The following DUSP18 variants were observed in gnomAD, a reference collection of about 807,000 sequenced individuals.
DUSP18 encodes dual specificity protein phosphatase 18.
Under a neutral mutation model 6.3 loss-of-function variants are expected in DUSP18, and 4 were observed. The observed-to-expected ratio is 0.63, with a 90% confidence interval of 0.31 to 1.45. The LOEUF (loss-of-function observed/expected upper bound fraction) is 1.45, where lower values mean the gene tolerates loss of function less well. Ranked by LOEUF, DUSP18 falls within the 40% of genes most tolerant of loss-of-function variation. The pLI is 0.07. For missense variants in DUSP18, 235 were observed against 247.7 expected, an observed-to-expected ratio of 0.95 and a Z score of 0.34; for synonymous variants, 96 against 95.1, an observed-to-expected ratio of 1.01 and a Z score of -0.05.
At position 30,664,088 on chromosome 22, in the gene DUSP18, G is replaced by A. The variant is rs981845587; in HGVS notation, c.-77-8C>T. On this transcript the variant is annotated splice_polypyrimidine_tract_variant and splice_region_variant and intron_variant, in intron 1 of 1. Coordinates refer to ENST00000334679, the MANE Select transcript of DUSP18 (RefSeq NM_152511.5). ...GGCTGTGTCCATGGAAAACTGCAGA[G>A]AGGGAGAGGATGTTTAGAGGGCAGG... 3.7e-6 allele frequency: 5 copies of A among 1,334,924 alleles called. No individual in the cohort carries two copies. Among genetic ancestry groups the A allele is most frequent in the South Asian group, 2.8e-5 (2 of 70,326 alleles). 82.7% of individuals were successfully genotyped at this position (1,334,924 alleles called of 1,614,324 possible).
intron 2 of DUSP18, among the ~76,000 whole-genome samples, chr22:30,655,485 A>C (rs967202197): frequency 6.6e-6 from 1 of 151,516 alleles, no homozygotes; most frequent in African/African-American, 2.4e-5. Flanking sequence ...CTGGCATTGC[A>C]TAGCTCAGTC....
chr22:30,657,405 G>A (rs2088362261), downstream of DUSP18, among the ~76,000 whole-genome samples: 1 of 148,214 alleles, frequency 6.7e-6, no homozygotes, highest in Non-Finnish European at 1.5e-5. Context: ...GTTGCAGTAA[G>A]CCGAGATCAC....
Position 30,663,715 on chromosome 22 carries a change from G to A in DUSP18, c.289C>T (p.Gln97Ter). 1 of 1,614,242 alleles carries A rather than the reference G, an allele frequency of 6.2e-7. No homozygotes were observed. The highest frequency in any genetic ancestry group is 8.5e-7 in the Non-Finnish European group (1 of 1,180,044). Residue 97 changes from glutamine (Q) to a stop codon, truncating the protein, a stop_gained, in exon 2 of 2, where the codon CAG (glutamine) becomes TAG (stop). Transcript: ENST00000334679. LOFTEE classifies it high-confidence loss of function. ...GCACAGTGCAGCAAAGTACGGCCCT[G>A]CTTCATCTCCACGCTGTGGATATGG... ...ADHIHSVEMK[Q>*]GRTLLHCAAG...
chr22:30,658,863 G>A (rs556918061), downstream of DUSP18, among the ~76,000 whole-genome samples: 3 of 152,160 alleles, frequency 2.0e-5, no homozygotes, highest in Admixed American at 6.5e-5. Flanking sequence ...TGAACTGATC[G>A]GCTGGGCGCG....
intron 2 of DUSP18, among the ~76,000 whole-genome samples, chr22:30,656,194 C>T (rs1175706988): frequency 1.3e-5 from 2 of 151,724 alleles, no homozygotes; most frequent in African/African-American, 2.4e-5. Flanking sequence ...CCAGGCTGAT[C>T]GCAAATTCCC....
Position 30,663,556 on chromosome 22 carries a change from G to C in DUSP18, c.448C>G (p.Gln150Glu). 6.2e-7 allele frequency: 1 copy of C among 1,614,222 alleles called. No homozygotes were observed. The highest frequency in any genetic ancestry group is 8.5e-7 in the Non-Finnish European group (1 of 1,180,046). The change falls in exon 2 of 2, where the codon CAG becomes GAG. Residue 150 changes from glutamine (Q) to glutamate (E), a missense_variant. Transcript: ENST00000334679. ...AATTGGAACTCATAGTGGATGAGCT[G>C]CTCCCAAAAGCCGCTGTTGGGTCGG... ...IIRPNSGFWE[Q>E]LIHYEFQLFG...
rs895636760 is a variant in DUSP18 at position 30,661,603 on chromosome 22, TTAA to T, written c.*1831_*1833del. ...AACTGGGATTACAGGCACCCAGCTG[TTAA>T]AAGAAAAAGCATTTGGCTTCTACTG... On this transcript the variant is annotated 3_prime_UTR_variant, in exon 2 of 2. Coordinates refer to ENST00000334679, the MANE Select transcript of DUSP18 (RefSeq NM_152511.5). The T allele has an allele frequency of 2.9e-3, 4 of 1,358 alleles. No individual in the cohort carries two copies. In the African/African-American group the frequency reaches 0.059, roughly 20 times the overall value. 0.1% of individuals were successfully genotyped at this position (1,358 alleles called of 1,614,324 possible).
chr22:30,656,639 T>C (rs2088343121), downstream of DUSP18, among the ~76,000 whole-genome samples: 1 of 152,186 alleles, frequency 6.6e-6, no homozygotes, highest in Non-Finnish European at 1.5e-5. Flanking sequence ...AACCTCAACA[T>C]GACCTTCTTC....
At chr22:30,665,687 ATCTG>A (rs1161480431) in intron 1 of DUSP18, 1 of 353,560 alleles carries the variant, frequency 2.8e-6, no homozygotes, top group Non-Finnish European at 5.8e-6. Context: ...TTTTGCTCCG[ATCTG>A]TCTGATTATT....
intron 1 of DUSP18, chr22:30,665,546 A>G (rs1269105933): frequency 2.1e-6 from 1 of 470,916 alleles, no homozygotes; most frequent in Non-Finnish European, 4.4e-6. Context: ...GAGCCTTAAG[A>G]TATCAACTTA....
Position 30,663,354 on chromosome 22 carries a change from TA to T in DUSP18, c.*82del. 1 of 1,373,044 alleles carries T rather than the reference TA, an allele frequency of 7.3e-7. No homozygotes were observed. The highest frequency in any genetic ancestry group is 9.9e-7 in the Non-Finnish European group (1 of 1,005,048). The allele number at this position is 1,373,044 out of a possible 1,614,324, so 85.1% of individuals were successfully genotyped here. On this transcript the variant is annotated 3_prime_UTR_variant, in exon 2 of 2. Coordinates refer to ENST00000334679, the MANE Select transcript of DUSP18 (RefSeq NM_152511.5). ...CTGTTTTTTTCTGTATCAACAAAAG[TA>T]GAATGTTCAAGTTTGGATCTTGGTG...
At chr22:30,657,297 ACACACACAC>A (rs1569065177), downstream of DUSP18, among the ~76,000 whole-genome samples, 16 of 149,526 alleles carry the variant, frequency 1.1e-4, no homozygotes, top group African/African-American at 2.7e-4. Flanking sequence ...ACACACACAC[ACACACACAC>A]AAATTAGCCG....
At chr22:30,658,135 C>A (rs929329926), downstream of DUSP18, among the ~76,000 whole-genome samples, 5 of 150,754 alleles carry the variant, frequency 3.3e-5, no homozygotes, top group Admixed American at 2.6e-4. Context: ...TTAAAAAAAA[C>A]TGAATCTCTC....
At position 30,663,613 on chromosome 22, in the gene DUSP18, G is replaced by A; in HGVS notation, c.391C>T (p.His131Tyr). Residue 131 changes from histidine to tyrosine, a missense_variant, in exon 2 of 2, where the codon CAC (histidine) becomes TAC (tyrosine). Physicochemically the swap from His to Tyr is moderately conservative, Grantham distance 83. Transcript: ENST00000334679. The part of the protein sequence containing the change: ...KYHAMSLLDA[H>Y]TWTKSCRPII... ...GGCCGGCATGACTTGGTCCACGTGT[G>A]GGCGTCCAGCAGGGACATGGCGTGG... The A allele has an allele frequency of 6.2e-7, 1 of 1,614,214 alleles. No homozygotes were observed. Among genetic ancestry groups the A allele is most frequent in the Non-Finnish European group, 8.5e-7 (1 of 1,180,044 alleles).
At chr22:30,665,220 G>A (rs970194269) in intron 1 of DUSP18, 6 of 185,820 alleles carry the variant, frequency 3.2e-5, no homozygotes, top group Middle Eastern at 2.4e-3. Flanking sequence ...CACCAGGCAC[G>A]AGAAATGAGG....
In DUSP18 at chr22:30,663,516, G is replaced by C. The variant is rs2088545106; in HGVS notation, c.488C>G (p.Thr163Ser). 6 of 1,614,232 alleles carry C rather than the reference G, an allele frequency of 3.7e-6. No homozygotes were observed. The East Asian group carries it at 1.3e-4, about 36-fold the overall frequency. ...HYEFQLFGKN[T>S]VHMVSSPVGM... Reference sequence around the variant, plus strand: ...CACTGGGGAACTGACCATGTGCACAGTGTTCTTGCCAAACAATTGGAACTC... The same window carrying C: ...CACTGGGGAACTGACCATGTGCACACTGTTCTTGCCAAACAATTGGAACTC... Residue 163 changes from threonine (T) to serine (S), a missense_variant, in exon 2 of 2, where the codon ACT (threonine) becomes AGT (serine). Thr to Ser is a moderately conservative substitution (Grantham distance 58). Transcript: ENST00000334679.
At chr22:30,655,310 A>AG (rs2088313379) in intron 2 of DUSP18, among the ~76,000 whole-genome samples, 1 of 146,130 alleles carries the variant, frequency 6.8e-6, no homozygotes, top group Admixed American at 6.8e-5. Context: ...AAAAAAAAAT[A>AG]GCCAAGTATG....
At chr22:30,657,932 A>C (rs963241964), downstream of DUSP18, among the ~76,000 whole-genome samples, 4 of 146,660 alleles carry the variant, frequency 2.7e-5, no homozygotes, top group Non-Finnish European at 6.0e-5. Context: ...AATAATAATA[A>C]TAATAATAAT....
rs1045451847 is a variant in DUSP18, at chr22:30,667,839, G to C, written c.-455C>G. On this transcript the variant is annotated 5_prime_UTR_variant, in exon 1 of 2. Coordinates refer to ENST00000334679, the MANE Select transcript of DUSP18 (RefSeq NM_152511.5). ...CGGGTCGCACCAGGGCTGCAGCCGA[G>C]AGACAGTCTCACCGCTTCCGTAGCC... The C allele has an allele frequency of 2.0e-5, 3 of 152,574 alleles. No individual in the cohort carries two copies. In the East Asian group the frequency reaches 5.8e-4, roughly 29 times the overall value. 9.5% of individuals were successfully genotyped at this position (152,574 alleles called of 1,614,324 possible). A position where few individuals can be genotyped will look rare whatever the true frequency, so the allele number is the denominator to read the frequency against.
Sources: gnomAD v4.1 joint callset for allele counts (sites outside exome capture counted in the v4.1 genomes callset) on GRCh38, gnomAD v4.1.1 for gene constraint, MANE v1.5 for transcripts, NCBI Gene and HGNC (gene_info 2026-07-23, HGNC 2026-07-21) for gene names.